ANK2: variants seen among roughly 807,000 people sequenced by gnomAD.
ANK2 encodes the protein ankyrin-2.
In ANK2, 83 loss-of-function variants were observed where a neutral mutation model predicts 360.5. The observed-to-expected ratio is 0.23, with a 90% CI of 0.19 to 0.28. ANK2 has a LOEUF of 0.28. Among genes scored for constraint, ANK2 ranks in the 10% least tolerant of loss-of-function variants. The pLI is 1.00. For synonymous variants in ANK2, 1,740 were observed against 1,759.5 expected, an observed-to-expected ratio of 0.99 and a Z score of 0.28; for missense variants, 4,201 against 4,795.7, an observed-to-expected ratio of 0.88 and a Z score of 3.66.
chr4:113,306,066 T>C, intron 23 of ANK2, among the ~76,000 whole-genome samples: 1 of 152,182 alleles, frequency 6.6e-6, no homozygotes, highest in Non-Finnish European at 1.5e-5. Context: ...AAATAATGAA[T>C]ATGATGTTAT....
At chr4:113,047,881 A>G (rs185529862), upstream of ANK2, among the ~76,000 whole-genome samples, 3 of 152,154 alleles carry the variant, frequency 2.0e-5, no homozygotes, top group Non-Finnish European at 2.9e-5. Flanking sequence ...GAGAAGGAGC[A>G]ATCCTAACAG....
chr4:112,718,668 A>C, the ANK2 span, among the ~76,000 whole-genome samples: 1 of 145,010 alleles, frequency 6.9e-6, no homozygotes, highest in African/African-American at 2.6e-5. Context: ...ACGGAGTTTC[A>C]CTCTTGTTGC....
At chr4:113,246,061 G>T (rs1311657271) in intron 9 of ANK2, among the ~76,000 whole-genome samples, 1 of 152,190 alleles carries the variant, frequency 6.6e-6, no homozygotes, top group Non-Finnish European at 1.5e-5. Flanking sequence ...CTCCCAAAGT[G>T]CTGGGATTAC....
chr4:113,354,902 C>T lies in ANK2; in HGVS notation c.6284C>T (p.Pro2095Leu). The change falls in exon 38 of 46, where the codon CCT becomes CTT. Residue 2095 changes from proline (P) to leucine (L), a missense_variant. This residue lies in a region of ANK2 where 2,642 missense variants were observed against 2,714.5 expected (regional missense o/e 0.97). Coordinates refer to ENST00000357077, the MANE Select transcript of ANK2 (RefSeq NM_001148.6). ...GTTCTCAGCCACAAAATACCTGAAC[C>T]TGTTCAGTCAGTGCCTGAAGAAGAA... is the stretch of plus-strand genomic sequence containing the variant. ...EKVLSHKIPE[P>L]VQSVPEEESH... 2 of 1,614,050 alleles carry T rather than the reference C, an allele frequency of 1.2e-6. No individual in the cohort carries two copies. The highest frequency in any genetic ancestry group is 1.7e-6 in the Non-Finnish European group (2 of 1,179,990).
chr4:112,777,840 AT>A, the ANK2 span, among the ~76,000 whole-genome samples: 2 of 145,092 alleles, frequency 1.4e-5, no homozygotes, highest in African/African-American at 5.1e-5. Context: ...CTGGTCTTGA[AT>A]TTCTGACCTC....
intron 3 of ANK2, among the ~76,000 whole-genome samples, chr4:113,196,925 T>C (rs1447093690): frequency 6.6e-6 from 1 of 152,142 alleles, no homozygotes; most frequent in Non-Finnish European, 1.5e-5. Flanking sequence ...CTCTGCAGAG[T>C]GAATTGTTTC....
chr4:112,828,232 C>CTTTTTTTTT (rs751771907), intron 1 of ANK2, among the ~76,000 whole-genome samples: 2 of 109,578 alleles, frequency 1.8e-5, no homozygotes, highest in African/African-American at 3.6e-5. Context: ...GAATTACGGA[C>CTTTTTTTTT]TTTTTTTTTT....
chr4:112,791,765 A>G, the ANK2 span, among the ~76,000 whole-genome samples: 1 of 152,180 alleles, frequency 6.6e-6, no homozygotes, highest in Admixed American at 6.5e-5. Context: ...TGCTGGGATT[A>G]CAGGCGTGAG....
chr4:112,853,273 T>G (rs1317725095), intron 1 of ANK2, among the ~76,000 whole-genome samples: 1 of 152,196 alleles, frequency 6.6e-6, no homozygotes, highest in African/African-American at 2.4e-5. Flanking sequence ...TTCACTATGT[T>G]GGCCAGGATG....
upstream of ANK2, among the ~76,000 whole-genome samples, chr4:112,814,190 G>C (rs2055484539): frequency 6.6e-6 from 1 of 152,198 alleles, no homozygotes; most frequent in Non-Finnish European, 1.5e-5. Context: ...TTTGAAATAA[G>C]ATCGCATCCT....
chr4:112,999,543 T>G (rs2049870447), intron 2 of ANK2, among the ~76,000 whole-genome samples: 1 of 152,150 alleles, frequency 6.6e-6, no homozygotes, highest in South Asian at 2.1e-4. Flanking sequence ...TTGAAATATT[T>G]TGTGCTTTTA....
At chr4:112,957,134 T>C (rs1288239628) in intron 2 of ANK2, among the ~76,000 whole-genome samples, 6 of 150,980 alleles carry the variant, frequency 4.0e-5, no homozygotes, top group African/African-American at 1.5e-4. Flanking sequence ...CAAAGGTCTC[T>C]GGTTTTCCTA....
chr4:113,277,866 C>G lies in ANK2; in HGVS notation c.1713C>G (p.Ala571=), dbSNP rs765803691. The stretch of plus-strand genomic sequence containing the variant: ...GTTTTACTCCCCTGCATGTAGCAGC[C>G]AAGTATGGAAGCCTGGATGTGGCAA... ...KKGFTPLHVA[A]KYGSLDVAKL... Residue 571 remains alanine (A), a synonymous_variant, in exon 16 of 46, where the codon GCC becomes GCG. Transcript: ENST00000357077. The G allele has an allele frequency of 1.9e-6, 3 of 1,613,990 alleles. No homozygotes were observed. The highest frequency in any genetic ancestry group is 1.7e-5 in the Admixed American group (1 of 60,014).
chr4:113,217,525 G>GC (rs1250475998), intron 4 of ANK2, among the ~76,000 whole-genome samples: 1 of 152,158 alleles, frequency 6.6e-6, no homozygotes, highest in African/African-American at 2.4e-5. Context: ...TTATCCATGA[G>GC]CAGCGGATGG....
At chr4:112,774,204 ATCT>A in the ANK2 span, among the ~76,000 whole-genome samples, 2 of 151,872 alleles carry the variant, frequency 1.3e-5, no homozygotes, top group African/African-American at 4.8e-5. Flanking sequence ...TTAAGGAAGG[ATCT>A]TCTATCCATG....
chr4:113,061,062 A>T (rs1029646923), intron 1 of ANK2, among the ~76,000 whole-genome samples: 1 of 152,112 alleles, frequency 6.6e-6, no homozygotes, highest in Non-Finnish European at 1.5e-5. Flanking sequence ...TGATTGGCCT[A>T]TTACATGGGG....
chr4:113,316,330 G>C (rs531144498), intron 24 of ANK2, among the ~76,000 whole-genome samples: 1 of 152,052 alleles, frequency 6.6e-6, no homozygotes, highest in East Asian at 1.9e-4. Context: ...GACTTTTTTT[G>C]GAATATACCT....
intron 26 of ANK2, among the ~76,000 whole-genome samples, chr4:113,325,684 C>A (rs1247779224): frequency 1.3e-5 from 2 of 152,024 alleles, no homozygotes; most frequent in African/African-American, 4.8e-5. Context: ...GTTAGTTTCT[C>A]CATTTATTTT....
At position 113,381,655 on chromosome 4, in the gene ANK2, C is replaced by G; in HGVS notation, c.*184C>G. On this transcript the variant is annotated 3_prime_UTR_variant, in exon 46 of 46. Transcript: ENST00000357077. Reference sequence around the variant, plus strand: ...AGGCCAAGTGAGGGGCTGCCCAGTTCTCACACCAGAAACCACACATTCACT... The same window carrying G: ...AGGCCAAGTGAGGGGCTGCCCAGTTGTCACACCAGAAACCACACATTCACT... 7.1e-6 allele frequency: 11 copies of G among 1,542,446 alleles called. No homozygotes were observed. The highest frequency in any genetic ancestry group is 9.6e-6 in the Non-Finnish European group (11 of 1,146,404).
Sources: gnomAD v4.1 joint callset for allele counts (sites outside exome capture counted in the v4.1 genomes callset) on GRCh38, gnomAD v4.1.1 for gene constraint, gnomAD v4.1.1 regional missense constraint, MANE v1.5 for transcripts, NCBI Gene and HGNC (gene_info 2026-07-23, HGNC 2026-07-21) for gene names.